ACYP2: variants seen among roughly 807,000 people sequenced by gnomAD.
ACYP2 encodes acylphosphatase 2.
A neutral mutation model predicts 11.2 loss-of-function variants in ACYP2; 12 were observed. The observed-to-expected ratio is 1.08, with a 90% CI of 0.69 to 1.74. ACYP2 has a LOEUF of 1.74. ACYP2 is among the 40% of genes most tolerant of loss of function. ACYP2 has a pLI of 0.00. For missense variants in ACYP2, 134 were observed against 101.9 expected (o/e 1.31, Z -1.35); for synonymous variants, 43 against 32.2 (o/e 1.33, Z -1.13).
chr2:54,186,702 C>T (rs1203775004), intron 6 of ACYP2, among the ~76,000 whole-genome samples: 4 of 151,796 alleles, frequency 2.6e-5, no homozygotes, highest in Admixed American at 6.6e-5. Context: ...TTAGTAGAGA[C>T]GGGGCTTCAC....
chr2:54,172,393 C>T (rs562594712), intron 6 of ACYP2, among the ~76,000 whole-genome samples: 1 of 152,152 alleles, frequency 6.6e-6, no homozygotes, highest in South Asian at 2.1e-4. Flanking sequence ...CACATTTGTA[C>T]CAACTGAAGT....
intron 6 of ACYP2, chr2:54,254,860 C>T: frequency 6.5e-7 from 1 of 1,543,424 alleles, no homozygotes; most frequent in Non-Finnish European, 8.7e-7. Flanking sequence ...GTTGCCCAAG[C>T]TCAGGTCCAG....
At chr2:54,296,888 C>T (rs542428838) in intron 6 of ACYP2, among the ~76,000 whole-genome samples, 3 of 152,098 alleles carry the variant, frequency 2.0e-5, no homozygotes, top group South Asian at 2.1e-4. Flanking sequence ...AGTGGATCAC[C>T]CTTCTTAAAT....
At chr2:54,272,573 T>C (rs189223517) in intron 6 of ACYP2, among the ~76,000 whole-genome samples, 13 of 152,352 alleles carry the variant, frequency 8.5e-5, no homozygotes, top group Middle Eastern at 3.4e-3. Context: ...TAGCAAACGA[T>C]GGAGTAAGTG....
chr2:54,170,582 A>G (rs1485708726), intron 6 of ACYP2, among the ~76,000 whole-genome samples: 2 of 65,532 alleles, frequency 3.1e-5, no homozygotes, highest in East Asian at 3.8e-4. Context: ...TTTTTTTTTA[A>G]AATCACAGAA....
chr2:54,256,110 G>A (rs1687513698), intron 6 of ACYP2: 1 of 1,614,146 alleles, frequency 6.2e-7, no homozygotes. Flanking sequence ...CCAGAGCATA[G>A]TCGAGAGTAG....
At chr2:54,269,948 A>C (rs1204766544) in intron 6 of ACYP2, among the ~76,000 whole-genome samples, 2 of 152,226 alleles carry the variant, frequency 1.3e-5, no homozygotes, top group Non-Finnish European at 2.9e-5. Context: ...ACTGTAATTT[A>C]TACTGGGTAT....
intron 6 of ACYP2, among the ~76,000 whole-genome samples, chr2:54,296,969 G>A (rs564094474): frequency 6.6e-6 from 1 of 152,152 alleles, no homozygotes; most frequent in South Asian, 2.1e-4. Flanking sequence ...ATTTCAATGG[G>A]ACATTCAAGC....
intron 6 of ACYP2, among the ~76,000 whole-genome samples, chr2:54,284,512 A>G (rs985414087): frequency 1.3e-5 from 2 of 151,744 alleles, no homozygotes; most frequent in Non-Finnish European, 2.9e-5. Context: ...CTTTGTGTAC[A>G]CTTTTCTTGT....
At chr2:54,043,881 C>T (rs1675373689) in intron 2 of ACYP2, among the ~76,000 whole-genome samples, 1 of 152,188 alleles carries the variant, frequency 6.6e-6, no homozygotes, top group Non-Finnish European at 1.5e-5. Flanking sequence ...GTGATTCCTC[C>T]TCCTTATCCC....
intron 4 of ACYP2, among the ~76,000 whole-genome samples, chr2:54,124,723 CAG>C (rs138583600): frequency 0.018 from 2,739 of 152,146 alleles, 83 homozygotes; most frequent in African/African-American, 0.062. Context: ...TTGTTTGAAA[CAG>C]AGTCTTGCTC....
At chr2:54,255,153 G>A in intron 6 of ACYP2, 2 of 1,614,160 alleles carry the variant, frequency 1.2e-6, no homozygotes, top group Non-Finnish European at 1.7e-6. Flanking sequence ...GGGGTCCATG[G>A]CCCCGGCGCC....
chr2:54,062,246 C>G (rs559052558), intron 4 of ACYP2, among the ~76,000 whole-genome samples: 5 of 152,080 alleles, frequency 3.3e-5, no homozygotes, highest in Non-Finnish European at 7.4e-5. Context: ...TGGGCTTGAA[C>G]GACTCCCTTG....
intron 4 of ACYP2, among the ~76,000 whole-genome samples, chr2:54,062,604 C>T (rs560290646): frequency 6.6e-6 from 1 of 152,262 alleles, no homozygotes; most frequent in South Asian, 2.1e-4. Context: ...TTTAATATAG[C>T]ACAAAGGCAA....
intron 6 of ACYP2, among the ~76,000 whole-genome samples, chr2:54,272,304 T>C (rs569420212): frequency 2.3e-4 from 35 of 152,342 alleles, no homozygotes; most frequent in Admixed American, 8.5e-4. Flanking sequence ...TCTGGGCTCC[T>C]GTGACTGGCA....
intron 2 of ACYP2, among the ~76,000 whole-genome samples, chr2:54,034,799 A>G (rs1031491968): frequency 6.6e-6 from 1 of 152,078 alleles, no homozygotes; most frequent in African/African-American, 2.4e-5. Context: ...TCACGAGGTC[A>G]GGCATTCAAG....
intron 2 of ACYP2, among the ~76,000 whole-genome samples, chr2:54,024,023 C>T (rs1674146399): frequency 6.6e-6 from 1 of 152,074 alleles, no homozygotes; most frequent in South Asian, 2.1e-4. Flanking sequence ...CCCTGATGAA[C>T]ATAGATGCAA....
chr2:54,225,129 G>A (rs1685958409), intron 6 of ACYP2, among the ~76,000 whole-genome samples: 1 of 152,192 alleles, frequency 6.6e-6, no homozygotes, highest in African/African-American at 2.4e-5. Context: ...ACAGTGTGCT[G>A]AGTGCCATGT....
intron 6 of ACYP2, among the ~76,000 whole-genome samples, chr2:54,202,773 C>T (rs1394136093): frequency 4.3e-5 from 5 of 117,288 alleles, no homozygotes; most frequent in African/African-American, 6.8e-5. Flanking sequence ...ATGTTGCCCA[C>T]GCTGGCCTTG....
Sources: allele counts gnomAD v4.1 joint callset (sites outside exome capture counted in the v4.1 genomes callset), GRCh38; gene constraint gnomAD v4.1.1; transcripts MANE v1.5; gene names NCBI Gene and HGNC (gene_info 2026-07-23, HGNC 2026-07-21).